PCED1B: variants seen among roughly 807,000 people sequenced by gnomAD.
PCED1B encodes PC-esterase domain-containing protein 1B.
For synonymous variants in PCED1B, 251 were observed against 246.1 expected (o/e 1.02, Z -0.19); for missense variants, 573 against 573.9 (o/e 1.00, Z 0.02).
intron 2 of PCED1B, among the ~76,000 whole-genome samples, chr12:47,122,588 C>T (rs1223461367): frequency 6.6e-6 from 1 of 152,208 alleles, no homozygotes; most frequent in African/African-American, 2.4e-5. Context: ...TGGAGGCTTT[C>T]TCCTTTCAAC....
At chr12:47,213,515 G>C (rs1943156649) in intron 2 of PCED1B, among the ~76,000 whole-genome samples, 2 of 152,102 alleles carry the variant, frequency 1.3e-5, no homozygotes, top group South Asian at 4.1e-4. Context: ...CCCTCTTATA[G>C]GATTCCCAAG....
chr12:47,090,095 TAC>T (rs1292358297), intron 1 of PCED1B, among the ~76,000 whole-genome samples: 1 of 152,134 alleles, frequency 6.6e-6, no homozygotes, highest in African/African-American at 2.4e-5. Flanking sequence ...ATACAGGAAA[TAC>T]CATGGCCTCA....
chr12:47,117,678 A>G (rs1486204937), intron 2 of PCED1B, among the ~76,000 whole-genome samples: 1 of 152,108 alleles, frequency 6.6e-6, no homozygotes, highest in African/African-American at 2.4e-5. Context: ...GTGTCTTTAT[A>G]GCAGCATGAT....
intron 2 of PCED1B, among the ~76,000 whole-genome samples, chr12:47,152,004 A>G (rs1172001164): frequency 6.6e-6 from 1 of 152,240 alleles, no homozygotes; most frequent in Non-Finnish European, 1.5e-5. Flanking sequence ...TACATAGATA[A>G]CTGAATAAAT....
At chr12:47,146,261 G>C (rs1360011244) in intron 2 of PCED1B, among the ~76,000 whole-genome samples, 1 of 152,182 alleles carries the variant, frequency 6.6e-6, no homozygotes, top group Non-Finnish European at 1.5e-5. Context: ...GCTTCTTATG[G>C]ATAACCAAAG....
chr12:47,225,083 C>T (rs1943595104), intron 3 of PCED1B, among the ~76,000 whole-genome samples: 1 of 152,156 alleles, frequency 6.6e-6, no homozygotes, highest in East Asian at 1.9e-4. Context: ...AGGCACGTGC[C>T]ACCATGCCCA....
chr12:47,218,190 G>A (rs1165940540), intron 3 of PCED1B, among the ~76,000 whole-genome samples: 3 of 152,182 alleles, frequency 2.0e-5, no homozygotes, highest in Non-Finnish European at 4.4e-5. Context: ...GCGAGAGCTC[G>A]GCTGGACACG....
chr12:47,099,898 C>G (rs1010127609), intron 1 of PCED1B, among the ~76,000 whole-genome samples: 7 of 152,316 alleles, frequency 4.6e-5, no homozygotes, highest in East Asian at 1.9e-4. Context: ...CATTCCATGC[C>G]AGTCATAAAG....
At chr12:47,148,893 C>T (rs1046023739) in intron 2 of PCED1B, among the ~76,000 whole-genome samples, 2 of 152,162 alleles carry the variant, frequency 1.3e-5, no homozygotes, top group African/African-American at 4.8e-5. Flanking sequence ...TCTTAAAAAT[C>T]TTTTCTGTAT....
intron 1 of PCED1B, among the ~76,000 whole-genome samples, chr12:47,096,988 A>T: frequency 6.6e-6 from 1 of 152,246 alleles, no homozygotes; most frequent in East Asian, 1.9e-4. Context: ...TACCCAGTCG[A>T]ATTCAAACAC....
At chr12:47,154,735 C>T (rs1941130785) in intron 2 of PCED1B, among the ~76,000 whole-genome samples, 1 of 151,324 alleles carries the variant, frequency 6.6e-6, no homozygotes, top group South Asian at 2.1e-4. Context: ...TGTGAAGTCT[C>T]AAGGCAGAAA....
chr12:47,155,000 A>C (rs911110039), intron 2 of PCED1B, among the ~76,000 whole-genome samples: 5 of 152,144 alleles, frequency 3.3e-5, no homozygotes, highest in African/African-American at 1.2e-4. Context: ...GGGTGAGGAG[A>C]TGCAGAACGA....
chr12:47,099,625 T>C (rs1365073158), intron 1 of PCED1B, among the ~76,000 whole-genome samples: 1 of 152,170 alleles, frequency 6.6e-6, no homozygotes, highest in Admixed American at 6.5e-5. Flanking sequence ...TCCTTTTCCC[T>C]TTTGCCACTC....
chr12:47,148,128 C>G (rs1049571009), intron 2 of PCED1B, among the ~76,000 whole-genome samples: 5 of 152,302 alleles, frequency 3.3e-5, no homozygotes, highest in African/African-American at 1.2e-4. Context: ...AGGGCAAGAG[C>G]AACAAACAGA....
intron 2 of PCED1B, among the ~76,000 whole-genome samples, chr12:47,131,817 C>A (rs997343678): frequency 6.6e-6 from 1 of 151,856 alleles, no homozygotes; most frequent in Non-Finnish European, 1.5e-5. Context: ...TACAGGCATG[C>A]GCCACCACAT....
At chr12:47,189,101 C>T (rs904570980) in intron 2 of PCED1B, among the ~76,000 whole-genome samples, 1 of 152,094 alleles carries the variant, frequency 6.6e-6, no homozygotes, top group African/African-American at 2.4e-5. Context: ...CTCTATCTTA[C>T]ATTTTGATTG....
intron 2 of PCED1B, among the ~76,000 whole-genome samples, chr12:47,127,928 T>G (rs1273786104): frequency 2.0e-5 from 3 of 152,192 alleles, no homozygotes; most frequent in Non-Finnish European, 4.4e-5. Context: ...TTTCAACTGT[T>G]GAGAGTGCAC....
chr12:47,235,539 T>A lies in PCED1B; in HGVS notation c.476T>A (p.Leu159His). 4 of 1,611,104 alleles carry A rather than the reference T, an allele frequency of 2.5e-6. No homozygotes were observed. The highest frequency in any genetic ancestry group is 3.4e-6 in the Non-Finnish European group (4 of 1,178,086). ...CLGQVLPESCLLVWNTAMPVG... is the reference protein window; with the variant it reads ...CLGQVLPESCHLVWNTAMPVG... Reference sequence around the variant, plus strand: ...GGCCAGGTGCTGCCCGAGTCTTGCCTCCTGGTGTGGAACACGGCCATGCCT... The same window carrying A: ...GGCCAGGTGCTGCCCGAGTCTTGCCACCTGGTGTGGAACACGGCCATGCCT... The change falls in exon 4 of 4, where the codon CTC becomes CAC. Residue 159 changes from leucine to histidine, a missense_variant. By Grantham distance (99) the Leu-to-His change is moderately conservative. Coordinates refer to ENST00000546455, the MANE Select transcript of PCED1B (RefSeq NM_138371.3).
intron 2 of PCED1B, among the ~76,000 whole-genome samples, chr12:47,130,514 A>AAAAAT: frequency 6.6e-6 from 1 of 152,228 alleles, no homozygotes; most frequent in East Asian, 1.9e-4. Flanking sequence ...CCATCCCTAC[A>AAAAAT]AAAATAAAAT....
Sources: gnomAD v4.1 joint callset for allele counts (sites outside exome capture counted in the v4.1 genomes callset) on GRCh38, gnomAD v4.1.1 for gene constraint, MANE v1.5 for transcripts, NCBI Gene and HGNC (gene_info 2026-07-23, HGNC 2026-07-21) for gene names.